The following EML5 variants were observed in gnomAD, a reference collection of about 807,000 sequenced individuals.
The protein encoded by EML5 is echinoderm microtubule-associated protein-like 5.
Under a neutral mutation model 250.0 loss-of-function variants are expected in EML5, and 120 were observed. The ratio of observed to expected loss-of-function variants is 0.48; its 90% CI spans 0.41 to 0.56. The LOEUF (loss-of-function observed/expected upper bound fraction) is 0.56. Ranked by LOEUF, EML5 falls within the 20% of genes least tolerant of loss-of-function variation. The pLI, the probability that EML5 is intolerant of heterozygous loss-of-function variation, is 0.00. For synonymous variants in EML5, 771 were observed against 806.5 expected, an observed-to-expected ratio of 0.96 and a Z score of 0.75; for missense variants, 2,006 against 2,437.6, an observed-to-expected ratio of 0.82 and a Z score of 3.73.
chr14:88,655,681 G>A (rs1668049987), intron 27 of EML5, among the ~76,000 whole-genome samples: 1 of 152,118 alleles, frequency 6.6e-6, no homozygotes, highest in African/African-American at 2.4e-5. Context: ...TCATCAGAGT[G>A]AATAGGCAAC....
chr14:88,645,655 A>C (rs1405397112), intron 29 of EML5, among the ~76,000 whole-genome samples: 1 of 152,156 alleles, frequency 6.6e-6, no homozygotes, highest in Admixed American at 6.5e-5. Context: ...AGTCCCTAGT[A>C]CTGGTTAATG....
intron 1 of EML5, among the ~76,000 whole-genome samples, chr14:88,777,337 T>C (rs1295072554): frequency 6.6e-6 from 1 of 152,104 alleles, no homozygotes; most frequent in Admixed American, 6.5e-5. Flanking sequence ...GTATATCCAG[T>C]GAAATTATCC....
In EML5 at chr14:88,661,698, C is replaced by A. The variant is rs780049890; in HGVS notation, c.3631G>T (p.Gly1211Trp). ...LTSDKMVLAT[G>W]DDLGFVKLFR... ...AACTTCACAAATCCCAAATCGTCCCCGGTAGCTAGAACCATTTTGTCACTG... is the reference window on the plus strand; with the variant it reads ...AACTTCACAAATCCCAAATCGTCCCAGGTAGCTAGAACCATTTTGTCACTG... Residue 1211 changes from glycine to tryptophan, a missense_variant, in exon 25 of 44, where the codon GGG becomes TGG. Gly to Trp is a radical substitution (Grantham distance 184). This residue lies in a region of EML5 where 1,375 missense variants were observed against 1,590.3 expected (regional missense o/e 0.86). Transcript: ENST00000554922. 6.2e-7 allele frequency: 1 copy of A among 1,613,436 alleles called. No individual in the cohort carries two copies. Among genetic ancestry groups the A allele is most frequent in the East Asian group, 2.2e-5 (1 of 44,818 alleles).
chr14:88,664,213 G>C (rs1219030753), intron 23 of EML5, among the ~76,000 whole-genome samples: 1 of 149,148 alleles, frequency 6.7e-6, no homozygotes, highest in Non-Finnish European at 1.5e-5. Flanking sequence ...GGAGGTTAAG[G>C]TTGTAGTGAA....
At chr14:88,705,370 A>T in intron 12 of EML5, 112 bp downstream of exon 12, 1 of 827,450 alleles carries the variant, frequency 1.2e-6, no homozygotes, top group Non-Finnish European at 2.0e-6. Context: ...ATATAGTCAT[A>T]CATTGCTTGA....
chr14:88,730,490 C>T (rs1396021685), intron 7 of EML5, among the ~76,000 whole-genome samples: 1 of 152,170 alleles, frequency 6.6e-6, no homozygotes, highest in African/African-American at 2.4e-5. Flanking sequence ...AGAAAACAGA[C>T]TTGTTTAAGA....
chr14:88,770,079 G>A (rs752891944), intron 1 of EML5, among the ~76,000 whole-genome samples: 61 of 151,758 alleles, frequency 4.0e-4, no homozygotes, highest in Non-Finnish European at 1.2e-4. Context: ...GGAGAGGAAA[G>A]AGCGCTTGTG....
At chr14:88,698,257 C>T (rs2093125891) in intron 14 of EML5, among the ~76,000 whole-genome samples, 1 of 137,178 alleles carries the variant, frequency 7.3e-6, no homozygotes, top group Non-Finnish European at 1.5e-5. Flanking sequence ...TTCTGGTTCT[C>T]CAGTTTCCTT....
intron 1 of EML5, among the ~76,000 whole-genome samples, chr14:88,765,134 T>C (rs552445722): frequency 1.4e-5 from 2 of 145,454 alleles, no homozygotes; most frequent in Non-Finnish European, 3.1e-5. Context: ...CAAATTACCA[T>C]AAATTTAGCA....
chr14:88,615,399 A>G lies in EML5; in HGVS notation c.*419T>C, dbSNP rs114068875. The G allele has an allele frequency of 3.7e-3, 578 of 156,442 alleles. 7 individuals carry two copies. Among genetic ancestry groups the G allele is most frequent in the African/African-American group, 0.013 (561 of 41,754 alleles). The allele number at this position is 156,442 out of a possible 1,614,324, so 9.7% of individuals were successfully genotyped here. A position where few individuals can be genotyped will look rare whatever the true frequency, so the allele number is the denominator to read the frequency against. Reference sequence around the variant, plus strand: ...AAATGCAAGAATAAAATATTTCATTAAACAATGAACCTTGAAAATAAAATA... The same window carrying G: ...AAATGCAAGAATAAAATATTTCATTGAACAATGAACCTTGAAAATAAAATA... On this transcript the variant is annotated 3_prime_UTR_variant, in exon 44 of 44. Coordinates refer to ENST00000554922, the MANE Select transcript of EML5 (RefSeq NM_183387.3).
chr14:88,678,336 G>A (rs1474999430), intron 21 of EML5, among the ~76,000 whole-genome samples: 1 of 152,144 alleles, frequency 6.6e-6, no homozygotes, highest in African/African-American at 2.4e-5. Context: ...TTCACATGGA[G>A]CTTAATATCT....
intron 19 of EML5, among the ~76,000 whole-genome samples, chr14:88,686,487 G>A (rs758078887): frequency 5.3e-5 from 8 of 152,010 alleles, no homozygotes; most frequent in Non-Finnish European, 7.4e-5. Context: ...ACAGGGAGTT[G>A]GGCCTGATGC....
chr14:88,759,914 A>G (rs896621401), intron 1 of EML5, among the ~76,000 whole-genome samples: 7 of 152,070 alleles, frequency 4.6e-5, no homozygotes, highest in African/African-American at 7.2e-5. Context: ...ATTCCTACTA[A>G]TATTTGGTAG....
chr14:88,721,844 G>T (rs1271360747), intron 8 of EML5, among the ~76,000 whole-genome samples: 1 of 151,916 alleles, frequency 6.6e-6, no homozygotes, highest in Non-Finnish European at 1.5e-5. Context: ...TACAGAGTGG[G>T]AAAAAATATT....
chr14:88,714,586 G>A (rs973919494), intron 9 of EML5, among the ~76,000 whole-genome samples: 22 of 152,144 alleles, frequency 1.4e-4, no homozygotes, highest in African/African-American at 5.1e-4. Context: ...CTGTGAAGTG[G>A]CAGATACATC....
At chr14:88,735,108 A>G (rs1346258505) in intron 7 of EML5, among the ~76,000 whole-genome samples, 1 of 152,194 alleles carries the variant, frequency 6.6e-6, no homozygotes, top group Non-Finnish European at 1.5e-5. Context: ...TGGGGTAAAC[A>G]AATCTCAATT....
chr14:88,711,723 C>T (rs1001659118), intron 10 of EML5, among the ~76,000 whole-genome samples: 3 of 152,050 alleles, frequency 2.0e-5, no homozygotes, highest in Non-Finnish European at 4.4e-5. Context: ...GTGGGGAGAT[C>T]ACCTGAGGTG....
chr14:88,678,867 T>G (rs921050820), intron 21 of EML5, among the ~76,000 whole-genome samples: 3 of 152,136 alleles, frequency 2.0e-5, no homozygotes, highest in African/African-American at 7.2e-5. Context: ...CCACAAACTG[T>G]GTGTCCTAAA....
At chr14:88,723,525 A>G (rs1348601527) in intron 8 of EML5, among the ~76,000 whole-genome samples, 2 of 152,164 alleles carry the variant, frequency 1.3e-5, no homozygotes, top group African/African-American at 2.4e-5. Flanking sequence ...CTGAAGATAT[A>G]CTGTATGGCA....
Sources: gnomAD v4.1 joint callset for allele counts (sites outside exome capture counted in the v4.1 genomes callset) on GRCh38, gnomAD v4.1.1 for gene constraint, gnomAD v4.1.1 regional missense constraint, MANE v1.5 for transcripts, NCBI Gene and HGNC (gene_info 2026-07-23, HGNC 2026-07-21) for gene names.